The following HECW2 variants were observed in gnomAD, a reference collection of about 807,000 sequenced individuals.
HECW2 encodes HECT, C2 and WW domain containing E3 ubiquitin protein ligase 2.
A neutral mutation model predicts 175.2 loss-of-function variants in HECW2; 61 were observed. That is an observed-to-expected ratio of 0.35 (90% CI 0.28 to 0.43). The LOEUF is 0.43. Among genes scored for constraint, HECW2 ranks in the 20% least tolerant of loss-of-function variants. HECW2 has a pLI of 1.00. For missense variants in HECW2, 1,524 were observed against 2,000.5 expected, an observed-to-expected ratio of 0.76 and a Z score of 4.54; for synonymous variants, 671 against 731.0, an observed-to-expected ratio of 0.92 and a Z score of 1.32.
At chr2:196,349,414 T>C (rs1693087032) in intron 2 of HECW2, among the ~76,000 whole-genome samples, 1 of 152,178 alleles carries the variant, frequency 6.6e-6, no homozygotes. Context: ...AAATCTAATT[T>C]TGTTTGGTAG....
chr2:196,353,434 T>C (rs1420886309), intron 2 of HECW2, among the ~76,000 whole-genome samples: 3 of 152,246 alleles, frequency 2.0e-5, no homozygotes, highest in African/African-American at 7.2e-5. Flanking sequence ...GTCTGTCTTC[T>C]TCTGTTGAAT....
intron 1 of HECW2, among the ~76,000 whole-genome samples, chr2:196,579,077 T>C (rs578086483): frequency 1.1e-4 from 17 of 152,302 alleles, no homozygotes; most frequent in Admixed American, 8.5e-4. Context: ...GAGAGCAAAG[T>C]GAAGTATTGG....
chr2:196,453,094 C>G (rs1696397666), intron 1 of HECW2, among the ~76,000 whole-genome samples: 1 of 152,090 alleles, frequency 6.6e-6, no homozygotes, highest in Admixed American at 6.6e-5. Context: ...TGTATTTGTT[C>G]TGCCTACAGA....
At chr2:196,398,683 A>T (rs1282331418) in intron 2 of HECW2, among the ~76,000 whole-genome samples, 1 of 152,184 alleles carries the variant, frequency 6.6e-6, no homozygotes, top group East Asian at 1.9e-4. Context: ...TCACCTAATC[A>T]TATGCCACTG....
rs1300078013 is a variant in HECW2 at position 196,197,946 on chromosome 2, G to A, written c.*3331C>T. ...TTCTGATTGTTGCACAGGTAAAACA[G>A]ATTTTCCTTTATTTATTGCAGAATT... On this transcript the variant is annotated 3_prime_UTR_variant, in exon 29 of 29. Coordinates refer to ENST00000644978, the MANE Select transcript of HECW2 (RefSeq NM_001348768.2). The A allele has an allele frequency of 2.6e-5, 4 of 152,214 alleles. No individual in the cohort carries two copies. Among genetic ancestry groups the A allele is most frequent in the Non-Finnish European group, 5.9e-5 (4 of 68,028 alleles). The allele number at this position is 152,214 out of a possible 1,614,324, so 9.4% of individuals were successfully genotyped here.
chr2:196,433,097 C>G, intron 2 of HECW2, 35 bp downstream of exon 2: 1 of 1,554,672 alleles, frequency 6.4e-7, no homozygotes, highest in Non-Finnish European at 8.7e-7. Context: ...CTTGTATGCT[C>G]TGAGTCACAT....
intron 3 of HECW2, among the ~76,000 whole-genome samples, chr2:196,341,783 G>C (rs545905823): frequency 6.6e-6 from 1 of 152,298 alleles, no homozygotes; most frequent in East Asian, 1.9e-4. Flanking sequence ...GGCAGAAGCA[G>C]GATTAGAGAA....
At chr2:196,485,711 G>A (rs565804516) in intron 1 of HECW2, among the ~76,000 whole-genome samples, 7 of 152,228 alleles carry the variant, frequency 4.6e-5, no homozygotes, top group African/African-American at 1.7e-4. Context: ...GAAAGCTACT[G>A]GGAAGGAACT....
chr2:196,477,578 A>AT (rs1485829571), intron 1 of HECW2, among the ~76,000 whole-genome samples: 1 of 152,216 alleles, frequency 6.6e-6, no homozygotes, highest in African/African-American at 2.4e-5. Context: ...TATGCTATTA[A>AT]TTTATCTCCC....
At chr2:196,203,376 G>A (rs1246767216) in intron 28 of HECW2, among the ~76,000 whole-genome samples, 1 of 151,998 alleles carries the variant, frequency 6.6e-6, no homozygotes, top group Non-Finnish European at 1.5e-5. Context: ...TCCTAGCAGT[G>A]GTTTATAATC....
At chr2:196,558,670 T>C (rs1559175136) in intron 1 of HECW2, among the ~76,000 whole-genome samples, 1 of 152,268 alleles carries the variant, frequency 6.6e-6, no homozygotes, top group South Asian at 2.1e-4. Context: ...TATTCTCAGC[T>C]TTCTGGACAT....
chr2:196,211,990 C>A (rs1363521228), intron 28 of HECW2, among the ~76,000 whole-genome samples: 1 of 152,150 alleles, frequency 6.6e-6, no homozygotes, highest in Non-Finnish European at 1.5e-5. Context: ...GCGTATGCCA[C>A]CACGCCCAGG....
Position 196,278,642 on chromosome 2 carries a change from G to C in HECW2, c.3021C>G (p.Asn1007Lys). 1 of 1,614,108 alleles carries C rather than the reference G, an allele frequency of 6.2e-7. No individual in the cohort carries two copies. The highest frequency in any genetic ancestry group is 8.5e-7 in the Non-Finnish European group (1 of 1,179,992). ...GATCAATGAAAGTGGTGGTGCGGGA[G>C]TTGTGGTCCACAAAGAATGCCTAGG... ...HQGKAFFVDH[N>K]SRTTTFIDPR... Residue 1007 changes from asparagine (N) to lysine (K), a missense_variant, in exon 15 of 29, where the codon AAC becomes AAG. Physicochemically the swap from Asn to Lys is moderately conservative, Grantham distance 94. Transcript: ENST00000644978.
intron 1 of HECW2, among the ~76,000 whole-genome samples, chr2:196,475,353 G>A (rs1686540583): frequency 6.7e-6 from 1 of 149,830 alleles, no homozygotes; most frequent in Non-Finnish European, 1.5e-5. Flanking sequence ...GGGAGGGGAT[G>A]CGCAAAGGGA....
rs140320997 is a variant in HECW2, at chr2:196,318,651, C to A, written c.2239G>T (p.Ala747Ser). The change falls in exon 9 of 29, where the codon GCA (alanine) becomes TCA (serine). Residue 747 changes from alanine to serine, a missense_variant. This residue lies in a region of HECW2 where 604 missense variants were observed against 588.3 expected (regional missense o/e 1.03). Coordinates refer to ENST00000644978, the MANE Select transcript of HECW2 (RefSeq NM_001348768.2). Reference sequence around the variant, plus strand: ...TGCGGTGGGCTCTCGGCAGCAGCTGCAGCTCCCTCCAGGCTCCCCCTCCGC... The same window carrying A: ...TGCGGTGGGCTCTCGGCAGCAGCTGAAGCTCCCTCCAGGCTCCCCCTCCGC... The part of the protein sequence containing the change: ...WQRRGSLEGA[A>S]AAAESPPQEE... 6.2e-7 allele frequency: 1 copy of A among 1,600,672 alleles called. No homozygotes were observed. Among genetic ancestry groups the A allele is most frequent in the East Asian group, 2.2e-5 (1 of 44,668 alleles).
intron 1 of HECW2, among the ~76,000 whole-genome samples, chr2:196,547,428 G>A (rs528195550): frequency 6.6e-6 from 1 of 152,292 alleles, no homozygotes; most frequent in South Asian, 2.1e-4. Flanking sequence ...CTTAAACAAT[G>A]CAAGGAACAC....
chr2:196,206,351 C>G (rs1035642609), intron 28 of HECW2, among the ~76,000 whole-genome samples: 7 of 152,216 alleles, frequency 4.6e-5, no homozygotes, highest in African/African-American at 1.7e-4. Context: ...TAATAGATCT[C>G]TTGGTGCTTT....
intron 3 of HECW2, 120 bp downstream of exon 3, chr2:196,343,537 G>A (rs759596093): frequency 1.2e-4 from 80 of 667,006 alleles, no homozygotes; most frequent in Non-Finnish European, 4.9e-5. Context: ...TTCCATCATG[G>A]CATAAATATG....
chr2:196,292,480 C>T, intron 14 of HECW2, 85 bp downstream of exon 14: 1 of 1,171,426 alleles, frequency 8.5e-7, no homozygotes, highest in South Asian at 1.4e-5. Flanking sequence ...AGCCTTGGCC[C>T]TCACTTGAAG....
Sources: gnomAD v4.1 joint callset for allele counts (sites outside exome capture counted in the v4.1 genomes callset) on GRCh38, gnomAD v4.1.1 for gene constraint, gnomAD v4.1.1 regional missense constraint, MANE v1.5 for transcripts, NCBI Gene and HGNC (gene_info 2026-07-23, HGNC 2026-07-21) for gene names.